AAK1: variants seen among roughly 807,000 people sequenced by gnomAD.
AAK1 encodes AP2-associated protein kinase 1.
AAK1 carries 37 observed loss-of-function variants against 116.0 expected under a neutral mutation model. The ratio of observed to expected loss-of-function variants is 0.32; its 90% CI spans 0.25 to 0.42. AAK1 has a LOEUF of 0.42. Ranked by LOEUF, AAK1 falls within the 10% of genes least tolerant of loss-of-function variation. AAK1 has a pLI of 1.00. For synonymous variants in AAK1, 458 were observed against 439.9 expected (o/e 1.04, Z -0.51); for missense variants, 919 against 1,170.6 (o/e 0.79, Z 3.14).
At chr2:69,628,454 A>G (rs924897780) in intron 2 of AAK1, among the ~76,000 whole-genome samples, 1 of 152,146 alleles carries the variant, frequency 6.6e-6, no homozygotes, top group African/African-American at 2.4e-5. Flanking sequence ...CCTTATTCAC[A>G]TAAGACAAGC....
Position 69,642,868 on chromosome 2 carries a change from C to G in AAK1, c.163+10G>C. 1 of 1,613,668 alleles carries G rather than the reference C, an allele frequency of 6.2e-7. No homozygotes were observed. The highest frequency in any genetic ancestry group is 8.5e-7 in the Non-Finnish European group (1 of 1,179,854). Reference sequence around the variant, plus strand: ...GATTTTAATTTACGGCGCATTGAGCCCCACCGTACCTTCCGCCAACACCTC... The same window carrying G: ...GATTTTAATTTACGGCGCATTGAGCGCCACCGTACCTTCCGCCAACACCTC... On this transcript the variant is annotated intron_variant, in intron 2 of 21. Transcript: ENST00000409085.
chr2:69,519,670 C>A (rs1204684514), intron 11 of AAK1, among the ~76,000 whole-genome samples: 1 of 152,194 alleles, frequency 6.6e-6, no homozygotes, highest in East Asian at 1.9e-4. Context: ...TAGATGGCCA[C>A]CAAATTCACC....
At chr2:69,511,113 C>T (rs2104973300) in intron 13 of AAK1, among the ~76,000 whole-genome samples, 1 of 152,278 alleles carries the variant, frequency 6.6e-6, no homozygotes, top group Middle Eastern at 3.4e-3. Flanking sequence ...TAAAATGCCC[C>T]AGGTATTTCA....
chr2:69,562,397 A>C lies in AAK1; in HGVS notation c.164-5419T>G, dbSNP rs979226143. 4.6e-5 allele frequency among the ~76,000 whole-genome samples: 7 copies of C among 152,342 alleles called. No individual in the cohort carries two copies. The East Asian group carries it at 1.3e-3, about 29-fold the overall frequency. Reference sequence around the variant, plus strand: ...GATAAAAGGTTTTAATAAGCATAGGATCATGGAGTCACCAATGAAATTACT... The same window carrying C: ...GATAAAAGGTTTTAATAAGCATAGGCTCATGGAGTCACCAATGAAATTACT... On this transcript the variant is annotated intron_variant, in intron 2 of 21. Coordinates refer to ENST00000409085, the MANE Select transcript of AAK1 (RefSeq NM_014911.5).
At position 69,471,958 on chromosome 2, in the gene AAK1, A is replaced by C. The variant is rs1674696935; in HGVS notation, c.*3911T>G. 1 of 985,298 alleles carries C rather than the reference A, an allele frequency of 1.0e-6. No homozygotes were observed. The highest frequency in any genetic ancestry group is 4.7e-5 in the South Asian group (1 of 21,284). The allele number at this position is 985,298 out of a possible 1,614,324, so 61.0% of individuals were successfully genotyped here. On this transcript the variant is annotated 3_prime_UTR_variant, in exon 22 of 22. Transcript: ENST00000409085. Reference sequence around the variant, plus strand: ...GTTCGTTTCTTGGGTTTGTTTTTCCACAAGTATTAGCAATCCAAGTTGTGT... The same window carrying C: ...GTTCGTTTCTTGGGTTTGTTTTTCCCCAAGTATTAGCAATCCAAGTTGTGT...
chr2:69,599,509 C>T (rs1245939366), intron 2 of AAK1, among the ~76,000 whole-genome samples: 2 of 152,000 alleles, frequency 1.3e-5, no homozygotes, highest in Non-Finnish European at 2.9e-5. Context: ...TTACCTCAGA[C>T]TTTCTGGGTC....
Position 69,465,364 on chromosome 2 carries a change from G to A in AAK1, c.*10505C>T. 8.4e-7 allele frequency: 1 copy of A among 1,187,234 alleles called. No homozygotes were observed. The highest frequency in any genetic ancestry group is 1.1e-6 in the Non-Finnish European group (1 of 931,908). The allele number at this position is 1,187,234 out of a possible 1,614,324, so 73.5% of individuals were successfully genotyped here. ...TCTTCTTCAGAAGGCTAAGCTGGGAGTGCCATGGCGGGTATTGAGGGTGGG... is the reference window on the plus strand; with the variant it reads ...TCTTCTTCAGAAGGCTAAGCTGGGAATGCCATGGCGGGTATTGAGGGTGGG... On this transcript the variant is annotated 3_prime_UTR_variant, in exon 22 of 22. Coordinates refer to ENST00000409085, the MANE Select transcript of AAK1 (RefSeq NM_014911.5).
At position 69,544,478 on chromosome 2, in the gene AAK1, C is replaced by G; in HGVS notation, c.349G>C (p.Gly117Arg). The stretch of plus-strand genomic sequence containing the variant: ...AGAATGAGCACTTCCCATACATCAC[C>G]GCTACTCACGTTGTTGATACTAGAA... ...IDSSINNVSS[G>R]DVWEVLILMD... Residue 117 changes from glycine (G) to arginine (R), a missense_variant, in exon 4 of 22, where the codon GGT (glycine) becomes CGT (arginine). This residue lies in a region of AAK1 where 317 missense variants were observed against 490.4 expected (regional missense o/e 0.65). Transcript: ENST00000409085. 1.9e-6 allele frequency: 3 copies of G among 1,613,778 alleles called. No homozygotes were observed. Among genetic ancestry groups the G allele is most frequent in the Non-Finnish European group, 2.5e-6 (3 of 1,179,774 alleles).
At chr2:69,573,827 C>T (rs1224436231) in intron 2 of AAK1, among the ~76,000 whole-genome samples, 1 of 151,388 alleles carries the variant, frequency 6.6e-6, no homozygotes, top group African/African-American at 2.4e-5. Flanking sequence ...TAGTGAAACC[C>T]GTCTCTACTA....
intron 2 of AAK1, among the ~76,000 whole-genome samples, chr2:69,606,994 A>G (rs1673827109): frequency 7.2e-6 from 1 of 138,958 alleles, no homozygotes; most frequent in Non-Finnish European, 1.6e-5. Flanking sequence ...TGAGCCCAAG[A>G]GGCAGAGGTT....
intron 9 of AAK1, among the ~76,000 whole-genome samples, chr2:69,526,947 A>G (rs575873015): frequency 3.9e-5 from 6 of 152,334 alleles, no homozygotes; most frequent in South Asian, 4.1e-4. Flanking sequence ...GTTGACAGAC[A>G]TGAAGTTGGT....
chr2:69,602,486 T>A (rs540311454), intron 2 of AAK1, among the ~76,000 whole-genome samples: 1 of 152,204 alleles, frequency 6.6e-6, no homozygotes, highest in Admixed American at 6.5e-5. Context: ...CTCAGAAAAA[T>A]ATGATAAAAC....
In AAK1 at chr2:69,610,975, A is replaced by G. The variant is rs146638750; in HGVS notation, c.163+31903T>C. ...AAAATGGTATGCCAATTCCTAAAAAAGCTGAGCACTGAACTACCTTATGAT... is the reference window on the plus strand; with the variant it reads ...AAAATGGTATGCCAATTCCTAAAAAGGCTGAGCACTGAACTACCTTATGAT... On this transcript the variant is annotated intron_variant, in intron 2 of 21. Transcript: ENST00000409085. Among the ~76,000 whole-genome samples the G allele has an allele frequency of 5.8e-3, 878 of 152,358 alleles. 9 individuals carry two copies. Among genetic ancestry groups the G allele is most frequent in the African/African-American group, 0.02 (834 of 41,574 alleles).
intron 2 of AAK1, among the ~76,000 whole-genome samples, chr2:69,586,031 G>T (rs1019915100): frequency 2.0e-5 from 3 of 152,084 alleles, no homozygotes; most frequent in African/African-American, 7.2e-5. Flanking sequence ...CCCTCCGCAC[G>T]TCACTGCCCC....
chr2:69,489,313 T>C (rs1054544389), intron 17 of AAK1, among the ~76,000 whole-genome samples: 2 of 151,752 alleles, frequency 1.3e-5, no homozygotes, highest in African/African-American at 4.8e-5. Flanking sequence ...TAGCCAGGCG[T>C]GGTGGCGCAT....
chr2:69,487,883 A>G (rs1447951551), intron 17 of AAK1, among the ~76,000 whole-genome samples: 1 of 147,918 alleles, frequency 6.8e-6, no homozygotes, highest in Non-Finnish European at 1.5e-5. Flanking sequence ...TCCGCCTCCT[A>G]GGTTCAAGCA....
chr2:69,568,098 A>G (rs754405131), intron 2 of AAK1, among the ~76,000 whole-genome samples: 9 of 152,146 alleles, frequency 5.9e-5, no homozygotes, highest in Non-Finnish European at 1.2e-4. Context: ...GTCAGTCCCC[A>G]CCCATGCTAC....
chr2:69,512,393 G>A (rs561468161), intron 13 of AAK1, among the ~76,000 whole-genome samples: 13 of 152,124 alleles, frequency 8.5e-5, no homozygotes, highest in African/African-American at 2.7e-4. Flanking sequence ...ATTACCTCAT[G>A]AGCATTTCTT....
chr2:69,577,101 A>G (rs1672345667), intron 2 of AAK1, among the ~76,000 whole-genome samples: 1 of 152,206 alleles, frequency 6.6e-6, no homozygotes, highest in Admixed American at 6.5e-5. Flanking sequence ...CTGTGAGGCG[A>G]GTACTATTAC....
Sources: gnomAD v4.1 joint callset for allele counts (sites outside exome capture counted in the v4.1 genomes callset) on GRCh38, gnomAD v4.1.1 for gene constraint, gnomAD v4.1.1 regional missense constraint, MANE v1.5 for transcripts, NCBI Gene and HGNC (gene_info 2026-07-23, HGNC 2026-07-21) for gene names.